The following TASP1 variants were observed in gnomAD, a reference collection of about 807,000 sequenced individuals.
The protein encoded by TASP1 is taspase 1, also known as threonine aspartase 1.
In TASP1, 16 loss-of-function variants were observed where a neutral mutation model predicts 56.6. That is an observed-to-expected ratio of 0.28 (90% CI 0.19 to 0.43). The LOEUF is 0.43. Among genes scored for constraint, TASP1 ranks in the 20% least tolerant of loss-of-function variants. TASP1 has a pLI of 1.00. For missense variants in TASP1, 393 were observed against 511.6 expected (o/e 0.77, Z 2.24); for synonymous variants, 179 against 184.2 (o/e 0.97, Z 0.23).
chr20:13,333,149 G>A, the TASP1 span, among the ~76,000 whole-genome samples: 1 of 152,216 alleles, frequency 6.6e-6, no homozygotes, highest in Admixed American at 6.5e-5. Context: ...TGGTCCCTGT[G>A]CCACTGCCCA....
At chr20:13,348,940 C>T in the TASP1 span, among the ~76,000 whole-genome samples, 1 of 152,206 alleles carries the variant, frequency 6.6e-6, no homozygotes, top group East Asian at 1.9e-4. Flanking sequence ...TGTCCTGCCA[C>T]CCCCAACATG....
chr20:13,387,739 G>C (rs2041175133), downstream of TASP1, among the ~76,000 whole-genome samples: 1 of 152,196 alleles, frequency 6.6e-6, no homozygotes, highest in African/African-American at 2.4e-5. Context: ...AAATCTCCAG[G>C]CTGCTTTCCA....
chr20:13,392,675 C>T, intron 13 of TASP1: 2 of 506,362 alleles, frequency 3.9e-6, no homozygotes, highest in African/African-American at 1.9e-5. Context: ...AGCCACATCC[C>T]TGGTGAAGGT....
At chr20:13,221,525 C>A in the TASP1 span, among the ~76,000 whole-genome samples, 2 of 144,500 alleles carry the variant, frequency 1.4e-5, no homozygotes, top group African/African-American at 5.0e-5. Flanking sequence ...CTTGGACACC[C>A]CCGGCCTCGC....
the TASP1 span, among the ~76,000 whole-genome samples, chr20:13,321,322 T>A: frequency 6.9e-6 from 1 of 145,180 alleles, no homozygotes; most frequent in African/African-American, 2.6e-5. Context: ...AATTAGCAGT[T>A]TTGTCCACAG....
intron 5 of TASP1, 21 bp from the exon 6 acceptor site, chr20:13,581,002 T>C: frequency 1.1e-6 from 1 of 903,884 alleles, no homozygotes; most frequent in South Asian, 1.6e-5. Context: ...AAAAAAAAAA[T>C]TGGCAAAAAA....
chr20:13,630,460 G>A (rs370937594), intron 1 of TASP1, among the ~76,000 whole-genome samples: 2 of 151,868 alleles, frequency 1.3e-5, no homozygotes, highest in African/African-American at 4.8e-5. Flanking sequence ...AGGCTGAGGC[G>A]GGTGGATCAC....
the TASP1 span, among the ~76,000 whole-genome samples, chr20:13,111,715 G>A: frequency 8.5e-5 from 13 of 152,168 alleles, no homozygotes; most frequent in African/African-American, 2.7e-4. Context: ...GCCTAGATTC[G>A]TGGGAACACA....
In TASP1 at chr20:13,439,619, C is replaced by T. The variant is rs555083553; in HGVS notation, c.986-4465G>A. 3.0e-4 allele frequency among the ~76,000 whole-genome samples: 45 copies of T among 152,060 alleles called. No homozygotes were observed. In the South Asian group the frequency reaches 9.1e-3, roughly 31 times the overall value. On this transcript the variant is annotated intron_variant, in intron 11 of 13. Transcript: ENST00000337743. ...CATGTATACATATGTAACTAACCTGCATGTTGTGCACATGTACCCTAAAAC... is the reference window on the plus strand; with the variant it reads ...CATGTATACATATGTAACTAACCTGTATGTTGTGCACATGTACCCTAAAAC...
At chr20:13,406,912 C>T (rs757908324) in intron 13 of TASP1, among the ~76,000 whole-genome samples, 3 of 152,052 alleles carry the variant, frequency 2.0e-5, no homozygotes, top group Non-Finnish European at 4.4e-5. Flanking sequence ...GTGATCTGCC[C>T]GCCTTGGCCT....
At chr20:13,392,348 C>A (rs899386125) in intron 13 of TASP1, among the ~76,000 whole-genome samples, 25 of 152,112 alleles carry the variant, frequency 1.6e-4, no homozygotes, top group Non-Finnish European at 2.9e-4. Context: ...AAGCCTTGAC[C>A]AGGCACCCAA....
At chr20:13,593,709 T>C (rs1197639304) in intron 4 of TASP1, among the ~76,000 whole-genome samples, 1 of 152,210 alleles carries the variant, frequency 6.6e-6, no homozygotes, top group East Asian at 1.9e-4. Flanking sequence ...AAGCTCGAAC[T>C]GGGTGGAGCC....
Position 13,559,084 on chromosome 20 carries a change from T to C in TASP1, c.599A>G (p.Lys200Arg), listed in dbSNP as rs1219596796. The C allele has an allele frequency of 2.5e-6, 4 of 1,585,522 alleles. No homozygotes were observed. Residue 200 changes from lysine (K) to arginine (R), a missense_variant, in exon 8 of 14, where the codon AAG becomes AGG. By Grantham distance (26) the Lys-to-Arg change is conservative. Around this residue, in one of 3 missense-constraint regions of TASP1, gnomAD observed 293 missense variants for 354.2 expected, o/e 0.83. Transcript: ENST00000337743. ...CCTTTCTGCCAGCTCTAGTTTCCTC[T>C]TGTTTCTTTTAAATGCAGCTAAACT... The part of the protein sequence containing the change: ...RFSLAAFKRN[K>R]RKLELAERVD...
chr20:13,353,614 C>G, the TASP1 span, among the ~76,000 whole-genome samples: 2 of 152,138 alleles, frequency 1.3e-5, no homozygotes, highest in African/African-American at 4.8e-5. Flanking sequence ...AGTATCTACA[C>G]CTCCAGGAAG....
At chr20:13,518,631 C>A (rs1472645570) in intron 10 of TASP1, among the ~76,000 whole-genome samples, 2 of 152,072 alleles carry the variant, frequency 1.3e-5, no homozygotes, top group Non-Finnish European at 2.9e-5. Context: ...TACCCCACCA[C>A]AATGTATTTG....
chr20:13,208,155 C>T, the TASP1 span, among the ~76,000 whole-genome samples: 165 of 152,266 alleles, frequency 1.1e-3, no homozygotes, highest in Middle Eastern at 6.8e-3. Flanking sequence ...TATTATGCGT[C>T]AACTTCCTAT....
intron 1 of TASP1, among the ~76,000 whole-genome samples, chr20:13,635,093 T>C (rs2049250260): frequency 6.6e-6 from 1 of 152,314 alleles, no homozygotes; most frequent in African/African-American, 2.4e-5. Flanking sequence ...ACTCTGTGAA[T>C]ACACTAAATA....
At chr20:13,587,496 A>G (rs751739587) in intron 4 of TASP1, 126 bp from the exon 5 acceptor site, 1 of 679,328 alleles carries the variant, frequency 1.5e-6, no homozygotes. Context: ...TATGATGCCA[A>G]TACCACCCTG....
At chr20:13,143,168 A>G in the TASP1 span, among the ~76,000 whole-genome samples, 2 of 152,216 alleles carry the variant, frequency 1.3e-5, no homozygotes, top group East Asian at 3.9e-4. Context: ...TTGGGCACCA[A>G]AAAGACCAAG....
Sources: gnomAD v4.1 joint callset for allele counts (sites outside exome capture counted in the v4.1 genomes callset) on GRCh38, gnomAD v4.1.1 for gene constraint, gnomAD v4.1.1 regional missense constraint, MANE v1.5 for transcripts, NCBI Gene and HGNC (gene_info 2026-07-23, HGNC 2026-07-21) for gene names.